The following MARCHF3 variants were observed in gnomAD, a reference collection of about 807,000 sequenced individuals.
The protein encoded by MARCHF3 is membrane associated ring-CH-type finger 3.
A neutral mutation model predicts 24.2 loss-of-function variants in MARCHF3; 13 were observed. The ratio of observed to expected loss-of-function variants is 0.54; its 90% CI spans 0.35 to 0.85. The LOEUF is 0.85. Among genes scored for constraint, MARCHF3 ranks in the 40% least tolerant of loss-of-function variants. The pLI, the probability that MARCHF3 is intolerant of heterozygous loss-of-function variation, is 0.01. For synonymous variants in MARCHF3, 144 were observed against 137.3 expected, an observed-to-expected ratio of 1.05 and a Z score of -0.34; for missense variants, 276 against 325.0, an observed-to-expected ratio of 0.85 and a Z score of 1.16.
intron 3 of MARCHF3, among the ~76,000 whole-genome samples, chr5:126,906,724 C>T (rs1323699460): frequency 6.6e-6 from 1 of 151,842 alleles, no homozygotes; most frequent in Non-Finnish European, 1.5e-5. Flanking sequence ...CTTTATTAGT[C>T]TTGCTAGTGG....
At chr5:127,024,652 G>A (rs1752935115) in intron 1 of MARCHF3, among the ~76,000 whole-genome samples, 1 of 152,138 alleles carries the variant, frequency 6.6e-6, no homozygotes, top group Admixed American at 6.5e-5. Context: ...CTGAAGGACT[G>A]GGAGCTAGTT....
chr5:127,012,859 T>G (rs1752513481), intron 1 of MARCHF3, among the ~76,000 whole-genome samples: 1 of 152,216 alleles, frequency 6.6e-6, no homozygotes, highest in Non-Finnish European at 1.5e-5. Flanking sequence ...TGTTCAAAAT[T>G]TTAAGTCTTT....
intron 1 of MARCHF3, 29 bp from the exon 2 acceptor site, chr5:126,918,256 G>A: frequency 7.1e-7 from 1 of 1,399,846 alleles, no homozygotes; most frequent in South Asian, 1.5e-5. Context: ...CAGTTTACTT[G>A]GGCAGGGTGG....
chr5:126,890,973 C>T (rs1471163044), intron 3 of MARCHF3, among the ~76,000 whole-genome samples: 68 of 147,584 alleles, frequency 4.6e-4, no homozygotes, highest in East Asian at 3.2e-3. Flanking sequence ...TTTTAATGAT[C>T]GCCATTCTAA....
intron 4 of MARCHF3, 100 bp downstream of exon 4, chr5:126,878,085 C>G: frequency 8.7e-7 from 1 of 1,149,130 alleles, no homozygotes; most frequent in Admixed American, 2.1e-5. Flanking sequence ...TGTTTTCTAC[C>G]GGGCAGGTGA....
intron 1 of MARCHF3, among the ~76,000 whole-genome samples, chr5:126,939,124 T>C (rs1487078893): frequency 2.0e-5 from 3 of 152,198 alleles, no homozygotes; most frequent in African/African-American, 7.2e-5. Flanking sequence ...CTGTTAGCAT[T>C]GATTCTGCAA....
chr5:126,966,567 T>C (rs1750819816), intron 1 of MARCHF3, among the ~76,000 whole-genome samples: 2 of 152,114 alleles, frequency 1.3e-5, no homozygotes, highest in South Asian at 4.1e-4. Context: ...AATAAAGCTA[T>C]TAAGGATTTT....
chr5:126,920,343 G>A (rs1318372500), intron 1 of MARCHF3, among the ~76,000 whole-genome samples: 3 of 152,034 alleles, frequency 2.0e-5, no homozygotes, highest in Admixed American at 6.6e-5. Flanking sequence ...CTCTCCTCTG[G>A]CCTGCCCTTA....
At chr5:127,027,078 G>A (rs1753021968) in intron 1 of MARCHF3, among the ~76,000 whole-genome samples, 1 of 152,194 alleles carries the variant, frequency 6.6e-6, no homozygotes, top group South Asian at 2.1e-4. Context: ...TGGGAGAACA[G>A]AATCCAAATG....
intron 1 of MARCHF3, among the ~76,000 whole-genome samples, chr5:126,983,500 T>A (rs1287085510): frequency 6.6e-6 from 1 of 152,206 alleles, no homozygotes; most frequent in Non-Finnish European, 1.5e-5. Context: ...ATGGCAGGAC[T>A]CAAATTCTCT....
At chr5:126,993,930 G>C (rs1160717460) in intron 1 of MARCHF3, among the ~76,000 whole-genome samples, 2 of 152,138 alleles carry the variant, frequency 1.3e-5, no homozygotes, top group Non-Finnish European at 2.9e-5. Flanking sequence ...ATGCAAAACA[G>C]TTCAACTACT....
chr5:127,020,933 C>T (rs1458980449), intron 1 of MARCHF3, among the ~76,000 whole-genome samples: 1 of 152,078 alleles, frequency 6.6e-6, no homozygotes, highest in Non-Finnish European at 1.5e-5. Flanking sequence ...CTTTCTGCCA[C>T]GTGAAGTTAT....
intron 1 of MARCHF3, among the ~76,000 whole-genome samples, chr5:127,003,107 T>G (rs1349138678): frequency 6.7e-6 from 1 of 149,236 alleles, no homozygotes; most frequent in Non-Finnish European, 1.5e-5. Context: ...CTTGTTGAAC[T>G]GACAGTTGAA....
intron 1 of MARCHF3, among the ~76,000 whole-genome samples, chr5:126,939,450 G>A (rs1056291004): frequency 3.3e-5 from 5 of 152,122 alleles, no homozygotes; most frequent in Admixed American, 1.3e-4. Flanking sequence ...TTCTTATGTG[G>A]GCTGTTCTGG....
At chr5:126,940,096 A>G (rs1320944589) in intron 1 of MARCHF3, among the ~76,000 whole-genome samples, 1 of 152,190 alleles carries the variant, frequency 6.6e-6, no homozygotes, top group African/African-American at 2.4e-5. Context: ...TTAATGTGTG[A>G]GAGTTAAAAC....
At chr5:127,020,908 G>T (rs1423093445) in intron 1 of MARCHF3, among the ~76,000 whole-genome samples, 1 of 151,852 alleles carries the variant, frequency 6.6e-6, no homozygotes, top group Non-Finnish European at 1.5e-5. Flanking sequence ...AGAGACCCTG[G>T]AGAGCTAGCT....
chr5:127,001,832 G>C (rs1443066158), intron 1 of MARCHF3, among the ~76,000 whole-genome samples: 1 of 152,236 alleles, frequency 6.6e-6, no homozygotes, highest in Non-Finnish European at 1.5e-5. Flanking sequence ...AAGTCCTTGA[G>C]TGCTGGCCAC....
At chr5:127,020,598 C>A (rs1231278672) in intron 1 of MARCHF3, among the ~76,000 whole-genome samples, 1 of 152,138 alleles carries the variant, frequency 6.6e-6, no homozygotes, top group East Asian at 1.9e-4. Context: ...TGCCTGTAAT[C>A]CCAGCACTTT....
chr5:127,022,234 G>A (rs140550900), intron 1 of MARCHF3, among the ~76,000 whole-genome samples: 8 of 152,254 alleles, frequency 5.3e-5, no homozygotes, highest in African/African-American at 9.6e-5. Flanking sequence ...ATATCCCATC[G>A]GAAAATCACA....
Sources: allele counts gnomAD v4.1 joint callset (sites outside exome capture counted in the v4.1 genomes callset), GRCh38; gene constraint gnomAD v4.1.1; transcripts MANE v1.5; gene names NCBI Gene and HGNC (gene_info 2026-07-23, HGNC 2026-07-21).